FHOD3: variants seen among roughly 807,000 people sequenced by gnomAD.
FHOD3 encodes the protein formin homology 2 domain containing 3.
In FHOD3, 90 loss-of-function variants were observed where a neutral mutation model predicts 173.0. The ratio of observed to expected loss-of-function variants is 0.52; its 90% CI spans 0.44 to 0.62. FHOD3 has a LOEUF of 0.62. Among genes scored for constraint, FHOD3 ranks in the 20% least tolerant of loss-of-function variants. The probability of loss-of-function intolerance (pLI) is 0.00; values close to 1 mark genes in which losing one functional copy is unlikely to be tolerated. For synonymous variants in FHOD3, 828 were observed against 823.0 expected (o/e 1.01, Z -0.10); for missense variants, 1,945 against 2,034.7 (o/e 0.96, Z 0.85).
intron 2 of FHOD3, among the ~76,000 whole-genome samples, chr18:36,357,295 G>A (rs954223291): frequency 6.6e-6 from 1 of 152,062 alleles, no homozygotes; most frequent in African/African-American, 2.4e-5. Context: ...TCTTCTCTGC[G>A]GCTAACACTT....
At chr18:36,716,681 G>A (rs2040466836) in intron 18 of FHOD3, among the ~76,000 whole-genome samples, 1 of 152,222 alleles carries the variant, frequency 6.6e-6, no homozygotes, top group East Asian at 1.9e-4. Flanking sequence ...GGTTGGCTGT[G>A]TCTAGTGCAA....
At chr18:36,399,300 T>A (rs2048694992) in intron 3 of FHOD3, among the ~76,000 whole-genome samples, 1 of 152,210 alleles carries the variant, frequency 6.6e-6, no homozygotes, top group African/African-American at 2.4e-5. Flanking sequence ...TATGACTCAT[T>A]ATTTCAGCTC....
intron 3 of FHOD3, among the ~76,000 whole-genome samples, chr18:36,449,201 T>C (rs1285994953): frequency 1.3e-5 from 2 of 152,128 alleles, no homozygotes; most frequent in Admixed American, 1.3e-4. Flanking sequence ...TCACACCACC[T>C]TAGAAGCTGC....
intron 6 of FHOD3, among the ~76,000 whole-genome samples, chr18:36,589,862 T>A (rs890496585): frequency 2.6e-5 from 4 of 152,168 alleles, no homozygotes; most frequent in Non-Finnish European, 5.9e-5. Flanking sequence ...TGAGAATCAA[T>A]TCCAATTGAT....
intron 10 of FHOD3, 40 bp from the exon 11 acceptor site, chr18:36,649,276 G>C: frequency 6.8e-7 from 1 of 1,466,054 alleles, no homozygotes; most frequent in Non-Finnish European, 9.2e-7. Flanking sequence ...ACTTTTCCAT[G>C]TTGTCTGTGT....
intron 17 of FHOD3, among the ~76,000 whole-genome samples, chr18:36,708,181 C>T (rs1316099604): frequency 6.6e-6 from 1 of 152,234 alleles, no homozygotes; most frequent in African/African-American, 2.4e-5. Flanking sequence ...ACCTCAGTGA[C>T]AGCATCAAAT....
chr18:36,610,008 G>A (rs186090434), intron 8 of FHOD3, among the ~76,000 whole-genome samples: 206 of 152,294 alleles, frequency 1.4e-3, no homozygotes, highest in Non-Finnish European at 2.2e-3. Context: ...ATTAGGTTTA[G>A]CAGTTTAACC....
Position 36,780,205 on chromosome 18 carries a change from G to C in FHOD3, c.*675G>C, listed in dbSNP as rs1274070870. The C allele has an allele frequency of 1.1e-5, 14 of 1,231,328 alleles. No individual in the cohort carries two copies. In the Admixed American group the frequency reaches 4.6e-4, roughly 41 times the overall value. The allele number at this position is 1,231,328 out of a possible 1,614,324, so 76.3% of individuals were successfully genotyped here. A position where few individuals can be genotyped will look rare whatever the true frequency, so the allele number is the denominator to read the frequency against. On this transcript the variant is annotated 3_prime_UTR_variant, in exon 29 of 29. Transcript: ENST00000590592. ...TCCTTTGGGCTGTATTTTGTTAATA[G>C]AGTGAGTAACATCAACAGTGTGCTC...
chr18:36,751,944 A>G (rs2150165286), intron 24 of FHOD3, among the ~76,000 whole-genome samples: 1 of 152,238 alleles, frequency 6.6e-6, no homozygotes, highest in South Asian at 2.1e-4. Flanking sequence ...CATATCCGAG[A>G]CTGGGTAATT....
rs147722284 is a variant in FHOD3 at position 36,432,835 on chromosome 18, C to T, written c.337+60091C>T. 8.5e-5 allele frequency among the ~76,000 whole-genome samples: 13 copies of T among 152,304 alleles called. No homozygotes were observed. In the East Asian group the frequency reaches 1.5e-3, roughly 18 times the overall value. On this transcript the variant is annotated intron_variant, in intron 3 of 28. Transcript: ENST00000590592. ...GACTTCATTTGGGAGCAAGGGACAG[C>T]GTAGCTTTTATTTTTGGTTTTATGA...
At chr18:36,444,602 T>G (rs1479736109) in intron 3 of FHOD3, among the ~76,000 whole-genome samples, 1 of 152,180 alleles carries the variant, frequency 6.6e-6, no homozygotes, top group Non-Finnish European at 1.5e-5. Flanking sequence ...TAGTCTCCTT[T>G]CTGGTTTATC....
intron 10 of FHOD3, among the ~76,000 whole-genome samples, chr18:36,634,927 A>G (rs2034776086): frequency 6.6e-6 from 1 of 152,216 alleles, no homozygotes; most frequent in Non-Finnish European, 1.5e-5. Context: ...ATTAACAACC[A>G]TTGGTACTAT....
chr18:36,384,112 T>C (rs1224781067), intron 3 of FHOD3, among the ~76,000 whole-genome samples: 1 of 152,120 alleles, frequency 6.6e-6, no homozygotes, highest in Non-Finnish European at 1.5e-5. Flanking sequence ...TTAAAAATTG[T>C]GAGGATTAGG....
chr18:36,323,976 G>A (rs1394428324), intron 1 of FHOD3, among the ~76,000 whole-genome samples: 1 of 152,240 alleles, frequency 6.6e-6, no homozygotes, highest in Non-Finnish European at 1.5e-5. Flanking sequence ...TTTGAAGTGA[G>A]CCCAGCATTC....
intron 5 of FHOD3, among the ~76,000 whole-genome samples, chr18:36,546,159 T>C (rs1235949316): frequency 6.6e-6 from 1 of 152,256 alleles, no homozygotes; most frequent in Admixed American, 6.5e-5. Context: ...GCATTGGCTC[T>C]GGCTGGTGTT....
intron 1 of FHOD3, among the ~76,000 whole-genome samples, chr18:36,300,568 G>T (rs1346491568): frequency 6.6e-6 from 1 of 152,264 alleles, no homozygotes; most frequent in South Asian, 2.1e-4. Context: ...CACAGGGCGT[G>T]CTTCTTCCGG....
chr18:36,418,892 C>T (rs941735183), intron 3 of FHOD3, among the ~76,000 whole-genome samples: 6 of 151,954 alleles, frequency 3.9e-5, no homozygotes, highest in African/African-American at 9.7e-5. Context: ...CCAGCCTGGG[C>T]GACAAAGTGA....
chr18:36,609,883 G>A (rs1409949300), intron 8 of FHOD3, among the ~76,000 whole-genome samples: 1 of 152,156 alleles, frequency 6.6e-6, no homozygotes, highest in Non-Finnish European at 1.5e-5. Flanking sequence ...AAGTGTTGGA[G>A]TTACAGGTAT....
chr18:36,389,239 C>T (rs538834847), intron 3 of FHOD3, among the ~76,000 whole-genome samples: 1 of 152,318 alleles, frequency 6.6e-6, no homozygotes, highest in South Asian at 2.1e-4. Flanking sequence ...AGGCAGCCTG[C>T]AAGTACATTT....
Sources: gnomAD v4.1 joint callset for allele counts (sites outside exome capture counted in the v4.1 genomes callset) on GRCh38, gnomAD v4.1.1 for gene constraint, MANE v1.5 for transcripts, NCBI Gene and HGNC (gene_info 2026-07-23, HGNC 2026-07-21) for gene names.